AFG1L: variants seen among roughly 807,000 people sequenced by gnomAD.
AFG1L encodes AFG1 like ATPase.
In AFG1L, 53 loss-of-function variants were observed where a neutral mutation model predicts 62.2. The observed-to-expected ratio is 0.85, with a 90% CI of 0.68 to 1.07. The LOEUF (loss-of-function observed/expected upper bound fraction) is 1.07. Among genes scored for constraint, AFG1L ranks in the 50% least tolerant of loss-of-function variants. The probability of loss-of-function intolerance (pLI) is 0.00; values close to 1 mark genes in which losing one functional copy is unlikely to be tolerated. For synonymous variants in AFG1L, 228 were observed against 210.3 expected, an observed-to-expected ratio of 1.08 and a Z score of -0.73; for missense variants, 555 against 590.5, an observed-to-expected ratio of 0.94 and a Z score of 0.62.
intron 6 of AFG1L, among the ~76,000 whole-genome samples, chr6:108,396,134 C>A (rs1429047340): frequency 1.3e-5 from 2 of 151,964 alleles, no homozygotes; most frequent in African/African-American, 4.8e-5. Flanking sequence ...CCGACTTGGC[C>A]TCTCAAAGTG....
At chr6:108,402,585 T>C (rs1336466156) in intron 7 of AFG1L, among the ~76,000 whole-genome samples, 2 of 151,116 alleles carry the variant, frequency 1.3e-5, no homozygotes, top group African/African-American at 2.4e-5. Flanking sequence ...ATAATATTCA[T>C]CCATGTGTAC....
Position 108,477,203 on chromosome 6 carries a change from AG to A in AFG1L, c.975del (p.Ile326PhefsTer2). On this transcript the variant is annotated frameshift_variant, in exon 10 of 13. Transcript: ENST00000368977. LOFTEE classifies it high-confidence loss of function. ...TCATGTTCCCATAGTAACTAGACCA[AG>A]GATTCTAAAAGTGCAAGGCAGAGAG... ...AQKQNDLTRP[R>X]ILKVQGRELR... 6.3e-7 allele frequency: 1 copy of A among 1,596,404 alleles called. No individual in the cohort carries two copies. The highest frequency in any genetic ancestry group is 1.1e-5 in the South Asian group (1 of 88,962).
intron 8 of AFG1L, among the ~76,000 whole-genome samples, chr6:108,449,407 C>T (rs139083765): frequency 4.5e-4 from 69 of 151,804 alleles, no homozygotes; most frequent in African/African-American, 1.7e-3. Context: ...TGTAAGTATC[C>T]CTGAAGAGAA....
chr6:108,500,448 T>C (rs1250415660), intron 10 of AFG1L, among the ~76,000 whole-genome samples: 3 of 152,228 alleles, frequency 2.0e-5, no homozygotes, highest in African/African-American at 7.2e-5. Flanking sequence ...GATATCATTT[T>C]TGATGTGTGA....
intron 10 of AFG1L, among the ~76,000 whole-genome samples, chr6:108,480,862 A>G (rs868765209): frequency 6.2e-4 from 94 of 152,356 alleles, no homozygotes; most frequent in African/African-American, 2.2e-3. Flanking sequence ...GAATTCTCAC[A>G]TCTGAGCTAA....
intron 6 of AFG1L, among the ~76,000 whole-genome samples, chr6:108,368,546 A>G (rs1779856269): frequency 6.6e-6 from 1 of 152,198 alleles, no homozygotes; most frequent in Non-Finnish European, 1.5e-5. Flanking sequence ...CTTGTGATTA[A>G]CTAGTGTTAG....
At chr6:108,388,646 T>C (rs943311963) in intron 6 of AFG1L, among the ~76,000 whole-genome samples, 6 of 151,422 alleles carry the variant, frequency 4.0e-5, no homozygotes, top group Admixed American at 1.3e-4. Context: ...CCAGTAGTCA[T>C]TCAGGAGCAG....
In AFG1L at chr6:108,476,850, T is replaced by C. The variant is rs1246487712; in HGVS notation, c.891-15T>C. 17 of 1,601,786 alleles carry C rather than the reference T, an allele frequency of 1.1e-5. No individual in the cohort carries two copies. Among genetic ancestry groups the C allele is most frequent in the Non-Finnish European group, 1.4e-5 (16 of 1,168,738 alleles). On this transcript the variant is annotated splice_polypyrimidine_tract_variant and intron_variant, in intron 8 of 12. Transcript: ENST00000368977. Reference sequence around the variant, plus strand: ...GTGTTATTAATTTCATATTCTATTATTCTTTTCACTGTAGCACAAGTGAAG... The same window carrying C: ...GTGTTATTAATTTCATATTCTATTACTCTTTTCACTGTAGCACAAGTGAAG...
At chr6:108,413,661 A>G (rs1782218849) in intron 7 of AFG1L, among the ~76,000 whole-genome samples, 2 of 152,252 alleles carry the variant, frequency 1.3e-5, no homozygotes, top group African/African-American at 2.4e-5. Flanking sequence ...CTGCTCCTGA[A>G]TGAACTACTG....
intron 6 of AFG1L, among the ~76,000 whole-genome samples, chr6:108,366,999 A>G (rs1779790121): frequency 6.6e-6 from 1 of 152,142 alleles, no homozygotes; most frequent in Admixed American, 6.5e-5. Flanking sequence ...TTTGCTCAGA[A>G]GTTACATTGC....
At chr6:108,511,367 C>A (rs1278401433) in intron 11 of AFG1L, among the ~76,000 whole-genome samples, 1 of 152,152 alleles carries the variant, frequency 6.6e-6, no homozygotes, top group African/African-American at 2.4e-5. Context: ...CAAGTCACTG[C>A]CCATTCATCA....
intron 10 of AFG1L, among the ~76,000 whole-genome samples, chr6:108,482,045 C>G (rs1773339216): frequency 6.6e-6 from 1 of 152,214 alleles, no homozygotes. Flanking sequence ...TTTCTGCCAT[C>G]ATGAGCTTGA....
intron 8 of AFG1L, among the ~76,000 whole-genome samples, chr6:108,450,202 G>T (rs1048031178): frequency 2.0e-5 from 3 of 152,202 alleles, no homozygotes; most frequent in African/African-American, 7.2e-5. Context: ...GGTTGAACTA[G>T]TTTACATTCC....
intron 7 of AFG1L, among the ~76,000 whole-genome samples, chr6:108,424,169 CTT>C (rs1045743072): frequency 1.3e-5 from 2 of 152,026 alleles, no homozygotes; most frequent in African/African-American, 4.8e-5. Context: ...CTGTCACTGA[CTT>C]TGCTCTGTCA....
At chr6:108,375,887 T>A (rs1780223012) in intron 6 of AFG1L, among the ~76,000 whole-genome samples, 1 of 152,190 alleles carries the variant, frequency 6.6e-6, no homozygotes, top group Non-Finnish European at 1.5e-5. Flanking sequence ...GTAGAATTGG[T>A]ACCGGCTCTT....
chr6:108,386,515 A>G (rs1451863396), intron 6 of AFG1L, among the ~76,000 whole-genome samples: 3 of 152,180 alleles, frequency 2.0e-5, no homozygotes, highest in South Asian at 2.1e-4. Flanking sequence ...ATTTATCACC[A>G]ACAAACTTGT....
intron 8 of AFG1L, among the ~76,000 whole-genome samples, chr6:108,451,655 A>G (rs1467811185): frequency 6.6e-6 from 1 of 152,128 alleles, no homozygotes; most frequent in Non-Finnish European, 1.5e-5. Flanking sequence ...CCAGTTTTTT[A>G]TTCTGTACTA....
intron 11 of AFG1L, among the ~76,000 whole-genome samples, chr6:108,513,699 CA>C (rs571904739): frequency 6.6e-6 from 1 of 151,492 alleles, no homozygotes; most frequent in East Asian, 1.9e-4. Flanking sequence ...AGGGCATAGC[CA>C]AAAAAAAGGC....
chr6:108,428,895 G>A (rs1180211027), intron 7 of AFG1L, among the ~76,000 whole-genome samples: 2 of 152,034 alleles, frequency 1.3e-5, no homozygotes, highest in African/African-American at 4.8e-5. Context: ...TTACTCTAAT[G>A]ATTATTTCCT....
Sources: gnomAD v4.1 joint callset for allele counts (sites outside exome capture counted in the v4.1 genomes callset) on GRCh38, gnomAD v4.1.1 for gene constraint, MANE v1.5 for transcripts, NCBI Gene and HGNC (gene_info 2026-07-23, HGNC 2026-07-21) for gene names.